Variants in DOCK3 observed in about 807,000 individuals in gnomAD.
DOCK3 encodes dedicator of cytokinesis 3.
In DOCK3, 60 loss-of-function variants were observed where a neutral mutation model predicts 265.6. That is an observed-to-expected ratio of 0.23 (90% CI 0.18 to 0.28). The LOEUF (loss-of-function observed/expected upper bound fraction) is 0.28, where lower values mean the gene tolerates loss of function less well. Ranked by LOEUF, DOCK3 falls within the 10% of genes least tolerant of loss-of-function variation. The probability of loss-of-function intolerance (pLI) is 1.00; values close to 1 mark genes in which losing one functional copy is unlikely to be tolerated. For synonymous variants in DOCK3, 881 were observed against 938.0 expected, an observed-to-expected ratio of 0.94 and a Z score of 1.11; for missense variants, 1,981 against 2,594.3, an observed-to-expected ratio of 0.76 and a Z score of 5.14.
chr3:50,889,331 A>G (rs2048526038), intron 3 of DOCK3, among the ~76,000 whole-genome samples: 1 of 151,512 alleles, frequency 6.6e-6, no homozygotes, highest in Non-Finnish European at 1.5e-5. Flanking sequence ...CAGTTCTCCC[A>G]CTTTAGGCTC....
chr3:50,676,654 A>G (rs762178773), intron 1 of DOCK3, among the ~76,000 whole-genome samples: 5 of 127,832 alleles, frequency 3.9e-5, no homozygotes, highest in Admixed American at 1.0e-4. Flanking sequence ...TGAGTGGTCA[A>G]CTCTCCAGTG....
chr3:51,037,400 A>G (rs2080311777), intron 5 of DOCK3, among the ~76,000 whole-genome samples: 1 of 152,088 alleles, frequency 6.6e-6, no homozygotes, highest in Non-Finnish European at 1.5e-5. Context: ...TGTGGTCATA[A>G]TCATTTCCTT....
Position 51,374,607 on chromosome 3 carries a change from G to C in DOCK3, c.5412+20G>C. 2 of 1,591,004 alleles carry C rather than the reference G, an allele frequency of 1.3e-6. No individual in the cohort carries two copies. The highest frequency in any genetic ancestry group is 1.7e-6 in the Non-Finnish European group (2 of 1,165,006). ...GGACAGGTAATAGACCCACCACACT[G>C]ACTGTCCTCTGCTGCAAGTGTGTTA... On this transcript the variant is annotated intron_variant, in intron 50 of 52. Coordinates refer to ENST00000266037, the MANE Select transcript of DOCK3 (RefSeq NM_004947.5). This position sits in a 1 kb window ranked among gnomAD's most constrained non-coding sequence, Gnocchi z 4.8.
At chr3:51,220,351 A>G (rs1317458206) in intron 14 of DOCK3, among the ~76,000 whole-genome samples, 1 of 152,066 alleles carries the variant, frequency 6.6e-6, no homozygotes, top group Non-Finnish European at 1.5e-5. Context: ...CAAGGTATAA[A>G]TAATATAGTA....
chr3:51,332,588 C>T (rs2084596136), intron 33 of DOCK3, among the ~76,000 whole-genome samples: 1 of 152,152 alleles, frequency 6.6e-6, no homozygotes, highest in Non-Finnish European at 1.5e-5. Context: ...GCCCATAATC[C>T]AAGCACTTTG....
chr3:50,778,372 G>A (rs2041728687), intron 1 of DOCK3, among the ~76,000 whole-genome samples: 1 of 152,044 alleles, frequency 6.6e-6, no homozygotes, highest in Non-Finnish European at 1.5e-5. Context: ...TGCTCAAAAA[G>A]TACACTTGAA....
intron 32 of DOCK3, among the ~76,000 whole-genome samples, chr3:51,329,149 AAAAT>A (rs1320278439): frequency 4.6e-5 from 7 of 152,198 alleles, no homozygotes; most frequent in East Asian, 1.9e-4. Context: ...ACTCCATCTC[AAAAT>A]AAATAAATAA....
At chr3:50,893,185 A>C (rs1446204667) in intron 4 of DOCK3, 9 of 229,622 alleles carry the variant, frequency 3.9e-5, no homozygotes, top group Non-Finnish European at 7.9e-5. Flanking sequence ...CAGGCCCCAA[A>C]GCAAAGCTGC....
At chr3:50,766,950 G>A (rs542171820) in intron 1 of DOCK3, among the ~76,000 whole-genome samples, 74 of 152,220 alleles carry the variant, frequency 4.9e-4, no homozygotes, top group African/African-American at 1.7e-3. Flanking sequence ...CATATCCTTT[G>A]CCCACTTTTG....
At chr3:51,000,058 C>T (rs2078419950) in intron 5 of DOCK3, among the ~76,000 whole-genome samples, 1 of 152,140 alleles carries the variant, frequency 6.6e-6, no homozygotes, top group Non-Finnish European at 1.5e-5. Context: ...TCTTCTCTGG[C>T]CTTTTCTTAG....
At chr3:51,191,527 T>A (rs552261015) in intron 12 of DOCK3, among the ~76,000 whole-genome samples, 1 of 152,292 alleles carries the variant, frequency 6.6e-6, no homozygotes, top group South Asian at 2.1e-4. Flanking sequence ...GTGGGCTGAA[T>A]TGCCAGGTTC....
intron 19 of DOCK3, among the ~76,000 whole-genome samples, chr3:51,231,661 A>G (rs1489528891): frequency 6.6e-6 from 1 of 151,972 alleles, no homozygotes; most frequent in Non-Finnish European, 1.5e-5. Context: ...GATATTAGTC[A>G]TTTGTCAGAT....
At chr3:50,718,771 A>AT (rs373965842) in intron 1 of DOCK3, among the ~76,000 whole-genome samples, 1,059 of 76,940 alleles carry the variant, frequency 0.014, 30 homozygotes, top group Non-Finnish European at 0.022. Flanking sequence ...TTGTGGGTTG[A>AT]TTTTTTTTTT....
At chr3:50,775,806 C>T (rs2041559865) in intron 1 of DOCK3, among the ~76,000 whole-genome samples, 1 of 151,656 alleles carries the variant, frequency 6.6e-6, no homozygotes, top group East Asian at 1.9e-4. Flanking sequence ...GTCCTCATAG[C>T]GTAGCTCCCA....
At position 51,338,453 on chromosome 3, in the gene DOCK3, T is replaced by C. The variant is rs542647502; in HGVS notation, c.3672+34T>C. 3.4e-5 allele frequency: 53 copies of C among 1,551,010 alleles called. No individual in the cohort carries two copies. The African/African-American group carries it at 5.7e-4, about 17-fold the overall frequency. On this transcript the variant is annotated intron_variant, in intron 36 of 52. Transcript: ENST00000266037. ...ACATGGGCCCTGACTTCTCTCTGCC[T>C]ACTGAAATGGTTTCTGTCCTGCACT...
Position 51,359,321 on chromosome 3 carries a change from T to G in DOCK3, c.4885-1190T>G, listed in dbSNP as rs1365738649. The stretch of plus-strand genomic sequence containing the variant: ...CATGAAAAGAGAAAAAGAAGCTTGT[T>G]GTAGTTTGAGAGGTAGGGGCACATT... On this transcript the variant is annotated intron_variant, in intron 46 of 52. Transcript: ENST00000266037. This position sits in a 1 kb window ranked among gnomAD's most constrained non-coding sequence, Gnocchi z 4.8. Among the ~76,000 whole-genome samples the G allele has an allele frequency of 6.6e-6, 1 of 152,178 alleles. No homozygotes were observed. Among genetic ancestry groups the G allele is most frequent in the African/African-American group, 2.4e-5 (1 of 41,446 alleles).
intron 4 of DOCK3, among the ~76,000 whole-genome samples, chr3:50,925,777 C>G (rs1018296804): frequency 1.4e-5 from 2 of 145,360 alleles, no homozygotes; most frequent in South Asian, 2.2e-4. Flanking sequence ...TAAAACTGTT[C>G]TTAAAGTCAT....
chr3:51,056,318 G>A (rs2081199474), intron 5 of DOCK3, among the ~76,000 whole-genome samples: 1 of 152,082 alleles, frequency 6.6e-6, no homozygotes, highest in African/African-American at 2.4e-5. Flanking sequence ...GCACAATCTC[G>A]GCTCACTGCA....
intron 38 of DOCK3, among the ~76,000 whole-genome samples, chr3:51,342,343 T>C (rs2085296434): frequency 1.3e-5 from 2 of 152,246 alleles, no homozygotes; most frequent in African/African-American, 4.8e-5. Flanking sequence ...GAAACTCTTA[T>C]GTAACCTAGC....
Sources: allele counts gnomAD v4.1 joint callset (sites outside exome capture counted in the v4.1 genomes callset), GRCh38; gene constraint gnomAD v4.1.1; non-coding constraint Gnocchi (gnomAD v3.1); transcripts MANE v1.5; gene names NCBI Gene and HGNC (gene_info 2026-07-23, HGNC 2026-07-21).